The following PDE7B variants were observed in gnomAD, a reference collection of about 807,000 sequenced individuals.
The protein encoded by PDE7B is phosphodiesterase 7B, also known as 3',5'-cyclic-AMP phosphodiesterase 7B.
Under a neutral mutation model 56.2 loss-of-function variants are expected in PDE7B, and 29 were observed. The ratio of observed to expected loss-of-function variants is 0.52; its 90% CI spans 0.38 to 0.70. The LOEUF is 0.70. PDE7B is among the 30% of genes least tolerant of loss of function. PDE7B has a pLI of 0.00. For synonymous variants in PDE7B, 197 were observed against 196.9 expected (o/e 1.00, Z 0.00); for missense variants, 490 against 565.0 (o/e 0.87, Z 1.35).
At chr6:136,078,294 G>GA (rs1237602849) in intron 2 of PDE7B, among the ~76,000 whole-genome samples, 1 of 152,172 alleles carries the variant, frequency 6.6e-6, no homozygotes, top group East Asian at 1.9e-4. Flanking sequence ...ATAGGTATTT[G>GA]ATGAATACTC....
intron 1 of PDE7B, among the ~76,000 whole-genome samples, chr6:135,946,049 C>T (rs1774590571): frequency 6.6e-6 from 1 of 151,962 alleles, no homozygotes; most frequent in Non-Finnish European, 1.5e-5. Context: ...AAATTTGATG[C>T]TTCATTATTC....
At chr6:135,889,440 AT>A (rs11440304) in intron 1 of PDE7B, among the ~76,000 whole-genome samples, 14,602 of 103,352 alleles carry the variant, frequency 0.14, 1,338 homozygotes, top group African/African-American at 0.38. Flanking sequence ...GGTGCTACCA[AT>A]TTTTTTTTTT....
intron 2 of PDE7B, among the ~76,000 whole-genome samples, chr6:135,972,057 C>T (rs1007618727): frequency 6.6e-6 from 1 of 151,752 alleles, no homozygotes; most frequent in Non-Finnish European, 1.5e-5. Flanking sequence ...CAACATGGAG[C>T]TACCCCATCT....
intron 7 of PDE7B, among the ~76,000 whole-genome samples, chr6:136,155,121 C>A (rs1778583391): frequency 6.6e-6 from 1 of 152,176 alleles, no homozygotes; most frequent in Non-Finnish European, 1.5e-5. Context: ...CTCATACATT[C>A]TCCCACTATT....
Position 135,912,840 on chromosome 6 carries a change from G to T in PDE7B, c.22-34624G>T, listed in dbSNP as rs1776235687. Among the ~76,000 whole-genome samples, 3 of 152,212 alleles carry T rather than the reference G, an allele frequency of 2.0e-5. No homozygotes were observed. In the South Asian group the frequency reaches 6.2e-4, roughly 32 times the overall value. ...CTATTTTTATCATTCCCATTTTACA[G>T]ATAAAGAATGAGGCCCAAATTTAAG... On this transcript the variant is annotated intron_variant, in intron 1 of 12. Coordinates refer to ENST00000308191, the MANE Select transcript of PDE7B (RefSeq NM_018945.4).
At chr6:136,125,206 T>C (rs1203508644) in intron 3 of PDE7B, among the ~76,000 whole-genome samples, 1 of 152,182 alleles carries the variant, frequency 6.6e-6, no homozygotes, top group Non-Finnish European at 1.5e-5. Flanking sequence ...ACATGTATAT[T>C]TTAACATGTA....
chr6:136,189,290 G>A (rs532444406), intron 12 of PDE7B, among the ~76,000 whole-genome samples: 8 of 152,280 alleles, frequency 5.3e-5, no homozygotes, highest in African/African-American at 9.6e-5. Context: ...TTAGCCAGGC[G>A]GGGTGACTCA....
intron 8 of PDE7B, among the ~76,000 whole-genome samples, chr6:136,162,908 T>C (rs924821003): frequency 1.3e-5 from 2 of 152,228 alleles, no homozygotes; most frequent in African/African-American, 2.4e-5. Context: ...TCACACCTGA[T>C]GCTGGGCTCC....
chr6:136,037,369 G>T (rs750448627), intron 2 of PDE7B: 22 of 957,552 alleles, frequency 2.3e-5, no homozygotes, highest in Non-Finnish European at 2.7e-5. Flanking sequence ...CCAGCTGAAG[G>T]GCAGCTGAGG....
At chr6:135,881,386 T>C (rs1775608794) in intron 1 of PDE7B, among the ~76,000 whole-genome samples, 1 of 150,660 alleles carries the variant, frequency 6.6e-6, no homozygotes, top group South Asian at 2.1e-4. Flanking sequence ...TGCATGCCTG[T>C]AGTCCCAGCT....
At chr6:135,895,024 G>A (rs1775873639) in intron 1 of PDE7B, among the ~76,000 whole-genome samples, 1 of 151,696 alleles carries the variant, frequency 6.6e-6, no homozygotes, top group Admixed American at 6.6e-5. Context: ...ATTACAATTA[G>A]AATTTATTAA....
At chr6:136,030,324 T>G (rs1444651889) in intron 2 of PDE7B, among the ~76,000 whole-genome samples, 1 of 152,278 alleles carries the variant, frequency 6.6e-6, no homozygotes, top group African/African-American at 2.4e-5. Context: ...TGATTTCACA[T>G]GTCTCTTGCT....
At chr6:135,966,981 GC>G (rs1297489211) in intron 2 of PDE7B, among the ~76,000 whole-genome samples, 2 of 152,094 alleles carry the variant, frequency 1.3e-5, no homozygotes, top group Non-Finnish European at 2.9e-5. Flanking sequence ...TATACAGTCA[GC>G]CCCCTCTGCT....
At chr6:136,043,649 A>G (rs1330920293) in intron 2 of PDE7B, among the ~76,000 whole-genome samples, 1 of 150,172 alleles carries the variant, frequency 6.7e-6, no homozygotes, top group East Asian at 2.0e-4. Flanking sequence ...GTATACTCTC[A>G]TAATTACTGG....
rs528987776 is a variant in PDE7B, at chr6:136,011,753, C to T, written c.82+64229C>T. 1.2e-3 allele frequency among the ~76,000 whole-genome samples: 181 copies of T among 152,258 alleles called. 1 individual carries two copies. Among genetic ancestry groups the T allele is most frequent in the African/African-American group, 4.2e-3 (173 of 41,564 alleles). ...GATGAAACAGCTTCAATTAGAGCCT[C>T]ATCGCTGACATTCCAGAGTGGCTGC... is the stretch of plus-strand genomic sequence containing the variant. On this transcript the variant is annotated intron_variant, in intron 2 of 12. Coordinates refer to ENST00000308191, the MANE Select transcript of PDE7B (RefSeq NM_018945.4).
intron 2 of PDE7B, among the ~76,000 whole-genome samples, chr6:136,070,787 C>T (rs1024509662): frequency 5.3e-5 from 8 of 152,086 alleles, no homozygotes; most frequent in Admixed American, 3.3e-4. Flanking sequence ...GATTTTCTTA[C>T]GTGATAATAA....
intron 2 of PDE7B, among the ~76,000 whole-genome samples, chr6:135,989,617 AAATAAT>A (rs371037409): frequency 0.016 from 2,498 of 151,826 alleles, 72 homozygotes; most frequent in African/African-American, 0.056. Flanking sequence ...TCTGTCTCCA[AAATAAT>A]AATAATAATA....
rs546049948 is a variant in PDE7B, at chr6:136,068,494, G to T, written c.83-40237G>T. 4.4e-5 allele frequency among the ~76,000 whole-genome samples: 6 copies of T among 137,912 alleles called. 1 individual carries two copies. In the South Asian group the frequency reaches 9.1e-4, roughly 21 times the overall value. The allele number at this position is 137,912 out of a possible 152,430, so 90.5% of individuals were successfully genotyped here. On this transcript the variant is annotated intron_variant, in intron 2 of 12. Coordinates refer to ENST00000308191, the MANE Select transcript of PDE7B (RefSeq NM_018945.4). Reference sequence around the variant, plus strand: ...CTCCCAGGCTGGAGTGCAGTGGCGCGATCTCGGCTGACTGCAAGCTCCGCC... The same window carrying T: ...CTCCCAGGCTGGAGTGCAGTGGCGCTATCTCGGCTGACTGCAAGCTCCGCC...
intron 1 of PDE7B, among the ~76,000 whole-genome samples, chr6:135,894,707 C>T (rs1775867050): frequency 6.6e-6 from 1 of 152,096 alleles, no homozygotes; most frequent in Non-Finnish European, 1.5e-5. Flanking sequence ...TTTAACTTTC[C>T]ACCCAGCTAC....
Sources: allele counts gnomAD v4.1 joint callset (sites outside exome capture counted in the v4.1 genomes callset), GRCh38; gene constraint gnomAD v4.1.1; transcripts MANE v1.5; gene names NCBI Gene and HGNC (gene_info 2026-07-23, HGNC 2026-07-21).